The following ALDH8A1 variants were observed in gnomAD, a reference collection of about 807,000 sequenced individuals.
ALDH8A1 encodes 2-aminomuconic semialdehyde dehydrogenase.
Under a neutral mutation model 43.3 loss-of-function variants are expected in ALDH8A1, and 39 were observed. The ratio of observed to expected loss-of-function variants is 0.90; its 90% CI spans 0.70 to 1.18. The LOEUF (loss-of-function observed/expected upper bound fraction) is 1.18. ALDH8A1 is among the 50% of genes most tolerant of loss of function. ALDH8A1 has a pLI of 0.00. For missense variants in ALDH8A1, 605 were observed against 622.6 expected, an observed-to-expected ratio of 0.97 and a Z score of 0.30; for synonymous variants, 233 against 243.5, an observed-to-expected ratio of 0.96 and a Z score of 0.40.
chr6:134,932,257 T>C (rs573328102), intron 5 of ALDH8A1, among the ~76,000 whole-genome samples: 7 of 152,302 alleles, frequency 4.6e-5, no homozygotes, highest in Non-Finnish European at 1.0e-4. Context: ...GAAACATCTG[T>C]TATGTAATTT....
intron 4 of ALDH8A1, among the ~76,000 whole-genome samples, chr6:134,934,866 T>G (rs1196724249): frequency 6.6e-6 from 1 of 152,218 alleles, no homozygotes; most frequent in Non-Finnish European, 1.5e-5. Flanking sequence ...AGTCTTGTGA[T>G]AGAAAAGATT....
At chr6:134,931,517 C>T (rs747877008) in intron 5 of ALDH8A1, among the ~76,000 whole-genome samples, 1 of 152,170 alleles carries the variant, frequency 6.6e-6, no homozygotes, top group Non-Finnish European at 1.5e-5. Context: ...CCACCCACCT[C>T]GGCCTCCCAA....
rs370151736 is a variant in ALDH8A1 at position 134,922,817 on chromosome 6, T to A, written c.1012-3950A>T. 2.6e-5 allele frequency among the ~76,000 whole-genome samples: 4 copies of A among 152,234 alleles called. No individual in the cohort carries two copies. The East Asian group carries it at 5.8e-4, about 22-fold the overall frequency. On this transcript the variant is annotated intron_variant, in intron 6 of 6. Coordinates refer to ENST00000265605, the MANE Select transcript of ALDH8A1 (RefSeq NM_022568.4). ...TTTAATAAGAATAGTTGCTGAAAAA[T>A]TATTTTCTATAAGGATCAAGCAGAA...
intron 6 of ALDH8A1, among the ~76,000 whole-genome samples, chr6:134,919,969 C>T (rs1776770366): frequency 6.6e-6 from 1 of 152,208 alleles, no homozygotes; most frequent in South Asian, 2.1e-4. Context: ...AATGCAGTGG[C>T]ACCACCATGG....
chr6:134,939,814 G>C (rs1314864786), intron 3 of ALDH8A1, among the ~76,000 whole-genome samples: 1 of 152,158 alleles, frequency 6.6e-6, no homozygotes, highest in Non-Finnish European at 1.5e-5. Context: ...CAAAGACATG[G>C]AATCAACTCA....
intron 3 of ALDH8A1, among the ~76,000 whole-genome samples, chr6:134,941,592 G>A (rs577514077): frequency 7.9e-5 from 12 of 152,278 alleles, no homozygotes; most frequent in African/African-American, 2.2e-4. Context: ...GTTTCGCCAT[G>A]TTGGCCAGGC....
intron 6 of ALDH8A1, among the ~76,000 whole-genome samples, chr6:134,921,362 C>T (rs1776797276): frequency 6.6e-6 from 1 of 152,206 alleles, no homozygotes; most frequent in South Asian, 2.1e-4. Context: ...TAGGCAGCTA[C>T]ACAGCCAGAT....
chr6:134,936,346 G>A (rs1019423475), intron 4 of ALDH8A1, among the ~76,000 whole-genome samples: 8 of 152,250 alleles, frequency 5.3e-5, no homozygotes, highest in Non-Finnish European at 1.5e-5. Context: ...CACTGTCAGA[G>A]GAGTGGCTGG....
intron 4 of ALDH8A1, among the ~76,000 whole-genome samples, chr6:134,936,781 G>C (rs1402597205): frequency 6.6e-6 from 1 of 152,158 alleles, no homozygotes; most frequent in Non-Finnish European, 1.5e-5. Context: ...GTACCATTTT[G>C]ACATTTTATC....
chr6:134,928,031 A>T (rs1000071204), intron 6 of ALDH8A1, among the ~76,000 whole-genome samples: 4 of 152,200 alleles, frequency 2.6e-5, no homozygotes, highest in Non-Finnish European at 2.9e-5. Context: ...TAGCTGGAGA[A>T]AAACAAGCCA....
At chr6:134,938,874 C>T (rs941536700) in intron 4 of ALDH8A1, among the ~76,000 whole-genome samples, 2 of 152,100 alleles carry the variant, frequency 1.3e-5, no homozygotes, top group South Asian at 2.1e-4. Flanking sequence ...GTCTCGATCT[C>T]CTGACCTCGT....
chr6:134,941,096 A>G (rs1415938715), intron 3 of ALDH8A1, among the ~76,000 whole-genome samples: 1 of 152,232 alleles, frequency 6.6e-6, no homozygotes, highest in African/African-American at 2.4e-5. Flanking sequence ...TCAAGAGGCA[A>G]AGGAATGCAT....
chr6:134,923,431 T>C (rs185517433), intron 6 of ALDH8A1, among the ~76,000 whole-genome samples: 5 of 152,184 alleles, frequency 3.3e-5, no homozygotes, highest in Admixed American at 1.3e-4. Context: ...AAAAGATAAA[T>C]TTGAGTTTAT....
intron 5 of ALDH8A1, among the ~76,000 whole-genome samples, chr6:134,930,701 C>T (rs1049674149): frequency 3.3e-5 from 5 of 152,186 alleles, no homozygotes; most frequent in African/African-American, 4.8e-5. Context: ...TTTGCGCAAG[C>T]GCCCTGTGAC....
Position 134,942,638 on chromosome 6 carries a change from C to T in ALDH8A1, c.287-74G>A, listed in dbSNP as rs979637451. 18 of 1,450,374 alleles carry T rather than the reference C, an allele frequency of 1.2e-5. No individual in the cohort carries two copies. The Admixed American group carries it at 1.6e-4, about 13-fold the overall frequency. The allele number at this position is 1,450,374 out of a possible 1,614,324, so 89.8% of individuals were successfully genotyped here. A position where few individuals can be genotyped will look rare whatever the true frequency, so the allele number is the denominator to read the frequency against. ...TATCCATCAGCTTCCACTGCCCACG[C>T]GTCCCAACTCACACTGAAACAGCCT... On this transcript the variant is annotated intron_variant, in intron 2 of 6. Transcript: ENST00000265605.
At chr6:134,941,642 G>C (rs1309726673) in intron 3 of ALDH8A1, among the ~76,000 whole-genome samples, 1 of 151,846 alleles carries the variant, frequency 6.6e-6, no homozygotes, top group Admixed American at 6.6e-5. Flanking sequence ...CGCCAATCTT[G>C]GCCTCCCAAA....
At chr6:134,920,239 A>G (rs762032040) in intron 6 of ALDH8A1, among the ~76,000 whole-genome samples, 15 of 152,186 alleles carry the variant, frequency 9.9e-5, no homozygotes, top group Non-Finnish European at 2.2e-4. Flanking sequence ...GTACAGATTT[A>G]TATTCCCTTC....
intron 3 of ALDH8A1, 84 bp downstream of exon 3, chr6:134,942,325 C>G: frequency 1.4e-6 from 2 of 1,408,970 alleles, no homozygotes; most frequent in African/African-American, 1.4e-5. Flanking sequence ...TTTCTTTAAC[C>G]TGTTCCTTGA....
rs755162859 is a variant in ALDH8A1, at chr6:134,932,766, G to A, written c.849+10C>T. On this transcript the variant is annotated intron_variant, in intron 5 of 6. Transcript: ENST00000265605. ...ATGGAGGGGAGGGAGAAGAACCCCC[G>A]GGGACATACCTGGTTGGCAAAGCTG... 1.5e-5 allele frequency: 24 copies of A among 1,612,896 alleles called. No homozygotes were observed. Among genetic ancestry groups the A allele is most frequent in the East Asian group, 4.5e-5 (2 of 44,896 alleles).
Sources: gnomAD v4.1 joint callset for allele counts (sites outside exome capture counted in the v4.1 genomes callset) on GRCh38, gnomAD v4.1.1 for gene constraint, MANE v1.5 for transcripts, NCBI Gene and HGNC (gene_info 2026-07-23, HGNC 2026-07-21) for gene names.